EIF2A: variants seen among roughly 807,000 people sequenced by gnomAD.
EIF2A encodes the protein eukaryotic translation initiation factor 2A, also known as 65 kDa eukaryotic translation initiation factor 2A.
In EIF2A, 62 loss-of-function variants were observed where a neutral mutation model predicts 75.2. That is an observed-to-expected ratio of 0.82 (90% CI 0.67 to 1.02). The LOEUF (loss-of-function observed/expected upper bound fraction) is 1.02. Ranked by LOEUF, EIF2A falls within the 50% of genes least tolerant of loss-of-function variation. EIF2A has a pLI of 0.00. For synonymous variants in EIF2A, 207 were observed against 239.0 expected, an observed-to-expected ratio of 0.87 and a Z score of 1.23; for missense variants, 611 against 677.7, an observed-to-expected ratio of 0.90 and a Z score of 1.09.
At chr3:150,549,763 A>G (rs575102106) in intron 1 of EIF2A, among the ~76,000 whole-genome samples, 98 of 152,272 alleles carry the variant, frequency 6.4e-4, no homozygotes, top group African/African-American at 2.2e-3. Flanking sequence ...AAAGAAAATG[A>G]GCGCCTCCTA....
intron 2 of EIF2A, among the ~76,000 whole-genome samples, chr3:150,555,739 A>C (rs1171241160): frequency 6.6e-6 from 1 of 152,058 alleles, no homozygotes; most frequent in East Asian, 1.9e-4. Flanking sequence ...AAAAACAAAA[A>C]ACAAAAAAAA....
intron 3 of EIF2A, among the ~76,000 whole-genome samples, chr3:150,562,224 C>T (rs1394601346): frequency 6.6e-6 from 1 of 151,976 alleles, no homozygotes; most frequent in Non-Finnish European, 1.5e-5. Context: ...AGATCAAGAC[C>T]ATCCTGGCTA....
chr3:150,552,362 G>T lies in EIF2A; in HGVS notation c.35G>T (p.Gly12Val). 3 of 1,551,348 alleles carry T rather than the reference G, an allele frequency of 1.9e-6. No individual in the cohort carries two copies. The highest frequency in any genetic ancestry group is 2.6e-6 in the Non-Finnish European group (3 of 1,146,932). ...TTTTATTTTACTTCTTTAGTCCGAG[G>T]ATCAGAAGGACTGTACATGGTGAAT... ...APSTPLLTVRGSEGLYMVNGP... is the reference protein window; with the variant it reads ...APSTPLLTVRVSEGLYMVNGP... Residue 12 changes from glycine (G) to valine (V), a missense_variant, in exon 2 of 14, where the codon GGA (glycine) becomes GTA (valine). Gly to Val is a moderately radical substitution (Grantham distance 109, BLOSUM62 -3). Coordinates refer to ENST00000460851, the MANE Select transcript of EIF2A (RefSeq NM_032025.5).
chr3:150,557,322 G>A lies in EIF2A; in HGVS notation c.99-1066G>A, dbSNP rs1478179384. Among the ~76,000 whole-genome samples, 12 of 152,312 alleles carry A rather than the reference G, an allele frequency of 7.9e-5. No individual in the cohort carries two copies. The East Asian group carries it at 2.3e-3, about 29-fold the overall frequency. Reference sequence around the variant, plus strand: ...AGATAATTGTAAAATTCTGCCGTAAGGTTCAGAAATGAGTTGCATAAGTGT... The same window carrying A: ...AGATAATTGTAAAATTCTGCCGTAAAGTTCAGAAATGAGTTGCATAAGTGT... On this transcript the variant is annotated intron_variant, in intron 2 of 13. Transcript: ENST00000460851.
At chr3:150,550,211 G>C (rs1449070598) in intron 1 of EIF2A, among the ~76,000 whole-genome samples, 2 of 152,074 alleles carry the variant, frequency 1.3e-5, no homozygotes, top group African/African-American at 4.8e-5. Context: ...TGATTGAAGA[G>C]GGAAATCACT....
intron 11 of EIF2A, among the ~76,000 whole-genome samples, chr3:150,579,669 C>T (rs1018220169): frequency 2.0e-5 from 3 of 149,028 alleles, no homozygotes; most frequent in Non-Finnish European, 4.4e-5. Flanking sequence ...GAGCTGGAAT[C>T]GTGCCACTGC....
chr3:150,569,632 T>A (rs958508114), intron 9 of EIF2A, among the ~76,000 whole-genome samples: 1 of 152,010 alleles, frequency 6.6e-6, no homozygotes, highest in Non-Finnish European at 1.5e-5. Flanking sequence ...CTGGCTAACA[T>A]GGTGAAACCC....
At position 150,579,484 on chromosome 3, in the gene EIF2A, T is replaced by C. The variant is rs558182189; in HGVS notation, c.1498-2134T>C. Among the ~76,000 whole-genome samples, 364 of 152,040 alleles carry C rather than the reference T, an allele frequency of 2.4e-3. 2 individuals are homozygous for C. The highest frequency in any genetic ancestry group is 1.5e-3 in the Non-Finnish European group (103 of 67,976). On this transcript the variant is annotated intron_variant, in intron 11 of 13. Coordinates refer to ENST00000460851, the MANE Select transcript of EIF2A (RefSeq NM_032025.5). ...CAGCACTTTGGGAGGCCGAGGTGGG[T>C]GGATCACCTGAGGTCTGGAGTTCGA...
chr3:150,563,929 C>CT (rs1012356872), intron 5 of EIF2A, among the ~76,000 whole-genome samples: 8 of 152,274 alleles, frequency 5.3e-5, no homozygotes, highest in African/African-American at 1.9e-4. Context: ...GCAATTTCAC[C>CT]TGCCTCAGCC....
Position 150,572,600 on chromosome 3 carries a change from A to T in EIF2A, c.1383+71A>T, listed in dbSNP as rs1724601341. 2.1e-6 allele frequency: 3 copies of T among 1,434,276 alleles called. No homozygotes were observed. In the African/African-American group the frequency reaches 4.3e-5, roughly 20 times the overall value. The allele number at this position is 1,434,276 out of a possible 1,614,324, so 88.8% of individuals were successfully genotyped here. A position where few individuals can be genotyped will look rare whatever the true frequency, so the allele number is the denominator to read the frequency against. On this transcript the variant is annotated intron_variant, in intron 10 of 13. Coordinates refer to ENST00000460851, the MANE Select transcript of EIF2A (RefSeq NM_032025.5). ...CCAGGAGTGGTGGTTCACATCCGTAATCCCAGCACTTCGGGAGGCCGAGGC... is the reference window on the plus strand; with the variant it reads ...CCAGGAGTGGTGGTTCACATCCGTATTCCCAGCACTTCGGGAGGCCGAGGC...
intron 2 of EIF2A, among the ~76,000 whole-genome samples, chr3:150,554,517 C>T (rs1054316350): frequency 2.6e-5 from 4 of 152,182 alleles, no homozygotes; most frequent in African/African-American, 7.2e-5. Flanking sequence ...CTGAAAAGCT[C>T]GTTAAAATCC....
intron 11 of EIF2A, 78 bp downstream of exon 11, chr3:150,575,840 G>C (rs1411061958): frequency 8.0e-7 from 1 of 1,253,524 alleles, no homozygotes; most frequent in Non-Finnish European, 1.1e-6. Flanking sequence ...CGTAATCCCA[G>C]CACTTTGGGA....
At chr3:150,550,717 T>C (rs1487284901) in intron 1 of EIF2A, among the ~76,000 whole-genome samples, 1 of 152,092 alleles carries the variant, frequency 6.6e-6, no homozygotes, top group Non-Finnish European at 1.5e-5. Context: ...CATGGCTTGG[T>C]GGTGGGTGAC....
intron 9 of EIF2A, 40 bp from the exon 10 acceptor site, chr3:150,571,918 G>C (rs1394833848): frequency 6.5e-7 from 1 of 1,543,832 alleles, no homozygotes; most frequent in South Asian, 1.2e-5. Flanking sequence ...TATTTATATA[G>C]TTCTTTATTG....
At chr3:150,559,324 AG>A (rs1723728493) in intron 3 of EIF2A, among the ~76,000 whole-genome samples, 1 of 152,148 alleles carries the variant, frequency 6.6e-6, no homozygotes, top group African/African-American at 2.4e-5. Context: ...TGGCAGAATT[AG>A]CTTTTATAAT....
chr3:150,572,548 C>A lies in EIF2A; in HGVS notation c.1383+19C>A, dbSNP rs758381072. 3.0e-5 allele frequency: 48 copies of A among 1,576,702 alleles called. No homozygotes were observed. Among genetic ancestry groups the A allele is most frequent in the Non-Finnish European group, 3.7e-5 (43 of 1,163,556 alleles). ...CAAATTGGTAAGTAAAGTTTTACTACTTTTATAGAAAAAAGTTTATTTTGG... is the reference window on the plus strand; with the variant it reads ...CAAATTGGTAAGTAAAGTTTTACTAATTTTATAGAAAAAAGTTTATTTTGG... On this transcript the variant is annotated intron_variant, in intron 10 of 13. Coordinates refer to ENST00000460851, the MANE Select transcript of EIF2A (RefSeq NM_032025.5).
At chr3:150,546,941 T>A in intron 1 of EIF2A, 111 bp downstream of exon 1, 1 of 1,491,678 alleles carries the variant, frequency 6.7e-7, no homozygotes, top group South Asian at 1.1e-5. Context: ...CCTTTTCTTG[T>A]GGCTTGCGGA....
At chr3:150,558,860 A>G (rs1343548992) in intron 3 of EIF2A, 1 of 153,056 alleles carries the variant, frequency 6.5e-6, no homozygotes, top group African/African-American at 2.4e-5. Flanking sequence ...AACTGCCTGC[A>G]GTTATTATTA....
chr3:150,574,985 C>G lies in EIF2A; in HGVS notation c.1384-664C>G, dbSNP rs568456872. Among the ~76,000 whole-genome samples the G allele has an allele frequency of 2.7e-3, 407 of 152,258 alleles. 2 individuals carry two copies. The highest frequency in any genetic ancestry group is 9.6e-3 in the African/African-American group (400 of 41,552). ...AAACTGTTCTGGAGATACATTGAAT[C>G]TATAATTCACCATCTTTTCTATTGT... On this transcript the variant is annotated intron_variant, in intron 10 of 13. Coordinates refer to ENST00000460851, the MANE Select transcript of EIF2A (RefSeq NM_032025.5).
Sources: gnomAD v4.1 joint callset for allele counts (sites outside exome capture counted in the v4.1 genomes callset) on GRCh38, gnomAD v4.1.1 for gene constraint, MANE v1.5 for transcripts, NCBI Gene and HGNC (gene_info 2026-07-23, HGNC 2026-07-21) for gene names.